The following NUDT3 variants were observed in gnomAD, a reference collection of about 807,000 sequenced individuals.
NUDT3 encodes the protein nudix hydrolase 3.
NUDT3 carries 9 observed loss-of-function variants against 23.6 expected under a neutral mutation model. That is an observed-to-expected ratio of 0.38 (90% confidence interval 0.23 to 0.66). The LOEUF is 0.66. NUDT3 is among the 30% of genes least tolerant of loss of function. The probability of loss-of-function intolerance (pLI) is 0.52; values close to 1 mark genes in which losing one functional copy is unlikely to be tolerated. For synonymous variants in NUDT3, 86 were observed against 82.6 expected (o/e 1.04, Z -0.22); for missense variants, 172 against 218.5 (o/e 0.79, Z 1.34).
At chr6:34,345,136 C>A (rs986366944) in intron 1 of NUDT3, among the ~76,000 whole-genome samples, 1 of 151,744 alleles carries the variant, frequency 6.6e-6, no homozygotes, top group Non-Finnish European at 1.5e-5. Context: ...GCAATCTCTG[C>A]CTCCCGGGTT....
Position 34,283,772 on chromosome 6 carries a change from T to G in NUDT3, c.*4981A>C. 1 of 152,248 alleles carries G rather than the reference T, an allele frequency of 6.6e-6. No individual in the cohort carries two copies. Among genetic ancestry groups the G allele is most frequent in the East Asian group, 1.9e-4 (1 of 5,208 alleles). 9.4% of individuals were successfully genotyped at this position (152,248 alleles called of 1,614,324 possible). A position where few individuals can be genotyped will look rare whatever the true frequency, so the allele number is the denominator to read the frequency against. ...CCCAGGACCTGTGGTGACCTCAAGCTAACCTGATGCACAGACAACAGTATC... is the reference window on the plus strand; with the variant it reads ...CCCAGGACCTGTGGTGACCTCAAGCGAACCTGATGCACAGACAACAGTATC... On this transcript the variant is annotated 3_prime_UTR_variant, in exon 5 of 5. Transcript: ENST00000607016.
At chr6:34,289,244 A>T (rs1194436333) in intron 4 of NUDT3, among the ~76,000 whole-genome samples, 1 of 152,148 alleles carries the variant, frequency 6.6e-6, no homozygotes, top group Non-Finnish European at 1.5e-5. Flanking sequence ...TAGGGATCAA[A>T]GCCCAGCAGC....
At chr6:34,327,027 C>G (rs575060906) in intron 2 of NUDT3, among the ~76,000 whole-genome samples, 6 of 151,274 alleles carry the variant, frequency 4.0e-5, no homozygotes, top group Non-Finnish European at 7.4e-5. Flanking sequence ...CACCAAGACG[C>G]GGAGACCGGT....
At chr6:34,374,984 G>C (rs1032967171) in intron 1 of NUDT3, among the ~76,000 whole-genome samples, 8 of 152,158 alleles carry the variant, frequency 5.3e-5, no homozygotes, top group Admixed American at 3.3e-4. Context: ...TATATGCAAA[G>C]GGATAAGGAA....
chr6:34,366,069 A>T (rs894856994), intron 1 of NUDT3, among the ~76,000 whole-genome samples: 3 of 150,950 alleles, frequency 2.0e-5, no homozygotes, highest in African/African-American at 7.3e-5. Flanking sequence ...AATAAATAAT[A>T]TTTTTTAAAA....
chr6:34,337,429 G>C (rs549042319), intron 2 of NUDT3, among the ~76,000 whole-genome samples: 90 of 152,314 alleles, frequency 5.9e-4, no homozygotes, highest in African/African-American at 2.1e-3. Flanking sequence ...TACTAAACAT[G>C]AGGAGTGTAG....
At position 34,305,116 on chromosome 6, in the gene NUDT3, GGGACTACA is replaced by G. The variant is rs539899524; in HGVS notation, c.211-9439_211-9432del. 3.1e-3 allele frequency among the ~76,000 whole-genome samples: 471 copies of G among 151,218 alleles called. 5 individuals carry two copies. Among genetic ancestry groups the G allele is most frequent in the South Asian group, 0.014 (65 of 4,784 alleles). On this transcript the variant is annotated intron_variant, in intron 2 of 4. Coordinates refer to ENST00000607016, the MANE Select transcript of NUDT3 (RefSeq NM_006703.4). ...TCCTGCCTCAGTCTCCCTAGTAGCT[GGGACTACA>G]GGCACGTGCCACCATGCCTGGCTAA...
At chr6:34,306,130 A>G (rs1763675325) in intron 2 of NUDT3, among the ~76,000 whole-genome samples, 1 of 152,236 alleles carries the variant, frequency 6.6e-6, no homozygotes, top group South Asian at 2.1e-4. Context: ...GGGACTATCA[A>G]GCACAAAATG....
At chr6:34,331,290 T>C (rs1196791272) in intron 2 of NUDT3, among the ~76,000 whole-genome samples, 25 of 93,038 alleles carry the variant, frequency 2.7e-4, no homozygotes, top group African/African-American at 1.8e-3. Flanking sequence ...CAAACTTTCT[T>C]TTTTTTTTTT....
At chr6:34,358,348 G>A (rs904846804) in intron 1 of NUDT3, among the ~76,000 whole-genome samples, 6 of 151,444 alleles carry the variant, frequency 4.0e-5, no homozygotes, top group South Asian at 2.1e-4. Context: ...TACAATAATC[G>A]ACAGGATGTT....
chr6:34,326,454 T>A (rs1370843377), intron 2 of NUDT3, among the ~76,000 whole-genome samples: 1 of 152,204 alleles, frequency 6.6e-6, no homozygotes, highest in African/African-American at 2.4e-5. Context: ...CATACTTTGG[T>A]TGTTTTTCAC....
rs1228098283 is a variant in NUDT3, at chr6:34,285,580, T to C, written c.*3173A>G. On this transcript the variant is annotated 3_prime_UTR_variant, in exon 5 of 5. Coordinates refer to ENST00000607016, the MANE Select transcript of NUDT3 (RefSeq NM_006703.4). ...TCTATCAAGCCTGAATGAGGTCAGC[T>C]CTGGTAGAATTAATGACAAATCAAT... The C allele has an allele frequency of 1.3e-5, 2 of 152,200 alleles. No homozygotes were observed. The highest frequency in any genetic ancestry group is 2.9e-5 in the Non-Finnish European group (2 of 68,038). 9.4% of individuals were successfully genotyped at this position (152,200 alleles called of 1,614,324 possible). A position where few individuals can be genotyped will look rare whatever the true frequency, so the allele number is the denominator to read the frequency against.
intron 1 of NUDT3, among the ~76,000 whole-genome samples, chr6:34,378,590 C>A (rs181454914): frequency 0.016 from 2,393 of 152,240 alleles, 52 homozygotes; most frequent in African/African-American, 0.052. Flanking sequence ...AAGATAGGCC[C>A]ACACTATGAG....
chr6:34,359,207 A>G (rs552599469), intron 1 of NUDT3, among the ~76,000 whole-genome samples: 2 of 152,266 alleles, frequency 1.3e-5, no homozygotes, highest in African/African-American at 4.8e-5. Context: ...CCCAGTTTCT[A>G]CTAAAACTAC....
intron 2 of NUDT3, among the ~76,000 whole-genome samples, chr6:34,300,129 G>A (rs1763577915): frequency 6.6e-6 from 1 of 151,974 alleles, no homozygotes; most frequent in African/African-American, 2.4e-5. Context: ...CTCTGGAAAG[G>A]GCTGGATCCG....
chr6:34,388,052 G>A (rs2113773225), intron 1 of NUDT3, among the ~76,000 whole-genome samples: 1 of 152,100 alleles, frequency 6.6e-6, no homozygotes, highest in South Asian at 2.1e-4. Context: ...TGCTTGTTTA[G>A]ATATGTTTAG....
intron 2 of NUDT3, among the ~76,000 whole-genome samples, chr6:34,305,444 T>C (rs1184617845): frequency 6.6e-6 from 1 of 152,238 alleles, no homozygotes; most frequent in East Asian, 1.9e-4. Flanking sequence ...TTTATTTCTG[T>C]CTTCCTATTT....
At chr6:34,375,354 T>A (rs55846345) in intron 1 of NUDT3, among the ~76,000 whole-genome samples, 1 of 151,874 alleles carries the variant, frequency 6.6e-6, no homozygotes, top group African/African-American at 2.4e-5. Context: ...AAAAAAAAAT[T>A]AAAAAATAAA....
chr6:34,351,198 T>TAAAAAAAAAAAAAAAAAAA lies in NUDT3; in HGVS notation c.100-9245_100-9227dup, dbSNP rs71000051. On this transcript the variant is annotated intron_variant, in intron 1 of 4. Transcript: ENST00000607016. ...GACCTCGTCTCTACACTCCCCTGCC[T>TAAAAAAAAAAAAAAAAAAA]AAAAAAAAAAAAAAAAAAAAAAAAA... Among the ~76,000 whole-genome samples, 17 of 17,890 alleles carry TAAAAAAAAAAAAAAAAAAA rather than the reference T, an allele frequency of 9.5e-4. 4 individuals carry two copies. The highest frequency in any genetic ancestry group is 2.7e-3 in the South Asian group (1 of 374). 11.7% of individuals were successfully genotyped at this position (17,890 alleles called of 152,430 possible).
Sources: allele counts gnomAD v4.1 joint callset (sites outside exome capture counted in the v4.1 genomes callset), GRCh38; gene constraint gnomAD v4.1.1; transcripts MANE v1.5; gene names NCBI Gene and HGNC (gene_info 2026-07-23, HGNC 2026-07-21).